PCDHA10: variants seen among roughly 807,000 people sequenced by gnomAD.
The protein encoded by PCDHA10 is protocadherin alpha-10.
In PCDHA10, 45 loss-of-function variants were observed where a neutral mutation model predicts 61.2. That is an observed-to-expected ratio of 0.74 (90% CI 0.58 to 0.94). PCDHA10 has a LOEUF of 0.94. Ranked by LOEUF, PCDHA10 falls within the 40% of genes least tolerant of loss-of-function variation. PCDHA10 has a pLI of 0.00. For synonymous variants in PCDHA10, 602 were observed against 548.8 expected (o/e 1.10, Z -1.35); for missense variants, 1,278 against 1,236.2 (o/e 1.03, Z -0.51).
At chr5:140,881,931 G>T in intron 1 of PCDHA10, 1 of 276,824 alleles carries the variant, frequency 3.6e-6, no homozygotes, top group South Asian at 8.8e-5. Flanking sequence ...GCAGTGATTT[G>T]CTGTTTCTGG....
intron 1 of PCDHA10, among the ~76,000 whole-genome samples, chr5:140,898,159 G>A (rs377677002): frequency 1.3e-5 from 2 of 151,916 alleles, no homozygotes; most frequent in South Asian, 2.1e-4. Context: ...CGCTGATGGT[G>A]GTTTCTTTTG....
chr5:140,973,554 C>T (rs897513375), intron 1 of PCDHA10, among the ~76,000 whole-genome samples: 3 of 152,316 alleles, frequency 2.0e-5, no homozygotes, highest in Admixed American at 6.5e-5. Flanking sequence ...TTTCAATTAC[C>T]TCTTTCCTCA....
intron 3 of PCDHA10, among the ~76,000 whole-genome samples, chr5:141,006,406 G>T (rs553100919): frequency 6.6e-6 from 1 of 151,932 alleles, no homozygotes; most frequent in African/African-American, 2.4e-5. Flanking sequence ...GTAGAGACGC[G>T]GTTTCACTGT....
At chr5:140,967,233 A>G in intron 1 of PCDHA10, 1 of 1,613,728 alleles carries the variant, frequency 6.2e-7, no homozygotes, top group South Asian at 1.1e-5. Context: ...TACCAGCTTC[A>G]GGTAAGCGAA....
Position 140,857,858 on chromosome 5 carries a change from G to T in PCDHA10, c.1810G>T (p.Ala604Ser), listed in dbSNP as rs781810921. The change falls in exon 1 of 4, where the codon GCG becomes TCG. Residue 604 changes from alanine to serine, a missense_variant. By Grantham distance (99) the Ala-to-Ser change is moderately conservative. Coordinates refer to ENST00000307360, the MANE Select transcript of PCDHA10 (RefSeq NM_018901.4). ...AGTGGACGCTGACTCTGGATACAAC[G>T]CGTGGCTGTCGTATGAATTGCAGTC... ...RAVDADSGYN[A>S]WLSYELQSAA... 3 of 1,597,852 alleles carry T rather than the reference G, an allele frequency of 1.9e-6. No individual in the cohort carries two copies. Among genetic ancestry groups the T allele is most frequent in the South Asian group, 1.1e-5 (1 of 90,488 alleles).
chr5:140,945,539 A>G (rs1233256432), intron 1 of PCDHA10, among the ~76,000 whole-genome samples: 1 of 152,052 alleles, frequency 6.6e-6, no homozygotes, highest in Non-Finnish European at 1.5e-5. Flanking sequence ...AAACATACAA[A>G]CAAAAAAATG....
At chr5:140,968,397 A>G in intron 1 of PCDHA10, 7 of 1,613,892 alleles carry the variant, frequency 4.3e-6, no homozygotes, top group Non-Finnish European at 5.9e-6. Context: ...AAGTTTCGGG[A>G]GTTCTTTGTG....
intron 1 of PCDHA10, chr5:140,877,039 C>A (rs782458785): frequency 6.2e-7 from 1 of 1,612,458 alleles, no homozygotes; most frequent in African/African-American, 1.3e-5. Context: ...GCTGCAGCCG[C>A]TAGACCACGA....
chr5:141,000,292 T>C (rs2097899521), intron 3 of PCDHA10, among the ~76,000 whole-genome samples: 1 of 149,730 alleles, frequency 6.7e-6, no homozygotes, highest in Non-Finnish European at 1.5e-5. Flanking sequence ...GGAATATTGC[T>C]TGAGGCCAGG....
intron 1 of PCDHA10, among the ~76,000 whole-genome samples, chr5:140,886,605 A>C (rs998772471): frequency 2.6e-5 from 4 of 152,108 alleles, no homozygotes; most frequent in Admixed American, 6.5e-5. Flanking sequence ...AGGTGGGCGG[A>C]TCAGGAGATC....
At chr5:140,929,034 C>A in intron 1 of PCDHA10, 4 of 1,614,158 alleles carry the variant, frequency 2.5e-6, no homozygotes, top group Non-Finnish European at 3.4e-6. Flanking sequence ...CAGGCTGTTG[C>A]GCTCAGAGCT....
chr5:140,947,100 T>C (rs782585215), intron 1 of PCDHA10, among the ~76,000 whole-genome samples: 16 of 151,438 alleles, frequency 1.1e-4, no homozygotes, highest in Non-Finnish European at 2.1e-4. Context: ...AGCCCATAAA[T>C]AGGTACGTGT....
intron 1 of PCDHA10, among the ~76,000 whole-genome samples, chr5:140,903,580 G>T (rs2070406453): frequency 6.6e-6 from 1 of 152,154 alleles, no homozygotes; most frequent in South Asian, 2.1e-4. Context: ...CTGTCTAGCT[G>T]GTGTTGGCCT....
rs782288464 is a variant in PCDHA10, at chr5:140,857,735, G to T, written c.1687G>T (p.Ala563Ser). ...FVLDENDNAPALLASPAGSAG... is the reference protein window; with the variant it reads ...FVLDENDNAPSLLASPAGSAG... ...GCTGGACGAGAACGACAACGCTCCC[G>T]CGCTGCTGGCGTCTCCCGCTGGCAG... is the stretch of plus-strand genomic sequence containing the variant. Residue 563 changes from alanine (A) to serine (S), a missense_variant, in exon 1 of 4, where the codon GCG becomes TCG. Transcript: ENST00000307360. The T allele has an allele frequency of 6.3e-7, 1 of 1,597,334 alleles. No homozygotes were observed. The highest frequency in any genetic ancestry group is 8.6e-7 in the Non-Finnish European group (1 of 1,167,658).
chr5:140,925,947 G>A (rs1447488918), intron 1 of PCDHA10, among the ~76,000 whole-genome samples: 1 of 152,066 alleles, frequency 6.6e-6, no homozygotes, highest in Non-Finnish European at 1.5e-5. Flanking sequence ...CTTGGAGAAG[G>A]AGAAACTGCT....
chr5:140,929,532 G>T, intron 1 of PCDHA10: 1 of 602,214 alleles, frequency 1.7e-6, no homozygotes, highest in Non-Finnish European at 2.5e-6. Flanking sequence ...TTATTTTTGA[G>T]AAACAAGGGC....
In PCDHA10 at chr5:140,858,289, T is replaced by C; in HGVS notation, c.2241T>C (p.Ser747=). ...GCTCTAGCGCGGTGGGGAGCTGGTC[T>C]TACTCGCAGCAGAGGCGGCAGAGGG... ...LVCSSAVGSW[S]YSQQRRQRVC... is the part of the protein sequence containing the mutation. The change falls in exon 1 of 4, where the codon TCT becomes TCC. Residue 747 remains serine (S), a synonymous_variant. Transcript: ENST00000307360. The C allele has an allele frequency of 6.3e-7, 1 of 1,597,184 alleles. No individual in the cohort carries two copies. Among genetic ancestry groups the C allele is most frequent in the Non-Finnish European group, 8.6e-7 (1 of 1,167,158 alleles).
intron 1 of PCDHA10, chr5:140,883,056 A>G (rs1554176597): frequency 6.2e-7 from 1 of 1,614,176 alleles, no homozygotes; most frequent in Admixed American, 1.7e-5. Context: ...TTAGTGATCA[A>G]GCTAAATGCC....
At chr5:140,921,353 A>G (rs943655623) in intron 1 of PCDHA10, among the ~76,000 whole-genome samples, 5 of 152,160 alleles carry the variant, frequency 3.3e-5, no homozygotes, top group Non-Finnish European at 5.9e-5. Flanking sequence ...ATATTTGCCT[A>G]TATTCAAGTT....
Sources: allele counts gnomAD v4.1 joint callset (sites outside exome capture counted in the v4.1 genomes callset), GRCh38; gene constraint gnomAD v4.1.1; transcripts MANE v1.5; gene names NCBI Gene and HGNC (gene_info 2026-07-23, HGNC 2026-07-21).